Variants in BRIP1 observed in about 807,000 individuals in gnomAD.
The protein encoded by BRIP1 is BRCA1 interacting DNA helicase 1.
BRIP1 carries 88 observed loss-of-function variants against 119.7 expected under a neutral mutation model. The ratio of observed to expected loss-of-function variants is 0.74; its 90% confidence interval spans 0.62 to 0.88. The LOEUF is 0.88. Among genes scored for constraint, BRIP1 ranks in the 40% least tolerant of loss-of-function variants. The pLI, the probability that BRIP1 is intolerant of heterozygous loss-of-function variation, is 0.00. For synonymous variants in BRIP1, 443 were observed against 496.5 expected, an observed-to-expected ratio of 0.89 and a Z score of 1.43; for missense variants, 1,259 against 1,455.4, an observed-to-expected ratio of 0.87 and a Z score of 2.20.
Position 61,803,526 on chromosome 17 carries a change from A to G in BRIP1, c.919-2052T>C, listed in dbSNP as rs2078027165. ...AAGACCAGCTGGGCAGCACAGGGAG[A>G]CTCAATCTCTACAAAAAAACAAAAA... On this transcript the variant is annotated intron_variant, in intron 7 of 19. Coordinates refer to ENST00000259008, the MANE Select transcript of BRIP1 (RefSeq NM_032043.3). The surrounding 1 kb of genome is among the most constrained non-coding windows in gnomAD (Gnocchi z 4.3). Among the ~76,000 whole-genome samples the G allele has an allele frequency of 6.6e-6, 1 of 151,916 alleles. No individual in the cohort carries two copies. The highest frequency in any genetic ancestry group is 1.5e-5 in the Non-Finnish European group (1 of 67,972).
rs1322477585 is a variant in BRIP1 at position 61,814,144 on chromosome 17, G to A, written c.628-5387C>T. On this transcript the variant is annotated intron_variant, in intron 6 of 19. Coordinates refer to ENST00000259008, the MANE Select transcript of BRIP1 (RefSeq NM_032043.3). This position sits in a 1 kb window ranked among gnomAD's most constrained non-coding sequence, Gnocchi z 4.9. ...ACAGTAAACATTTCAAGCTTCAAAG[G>A]CTATATGGTCTCTTCTTCCATAGGA... 1.3e-5 allele frequency among the ~76,000 whole-genome samples: 2 copies of A among 152,032 alleles called. No homozygotes were observed. The highest frequency in any genetic ancestry group is 2.4e-5 in the African/African-American group (1 of 41,444).
At chr17:61,772,208 T>TATATATAA (rs1555599843) in intron 14 of BRIP1, among the ~76,000 whole-genome samples, 7 of 86,312 alleles carry the variant, frequency 8.1e-5, no homozygotes, top group African/African-American at 2.6e-4. Flanking sequence ...TATATATATA[T>TATATATAA]AAAATGAAAT....
At position 61,685,974 on chromosome 17, in the gene BRIP1, G is replaced by A. The variant is rs1057521544; in HGVS notation, c.2767C>T (p.Leu923=). The change falls in exon 19 of 20, where the codon CTG becomes TTG. Residue 923 remains leucine (L), a synonymous_variant. Transcript: ENST00000259008. ...GGTGATAGATGACTTGCTGCTTCCAGTAAATAAGGTGAGGTACTGTACTTT... is the reference window on the plus strand; with the variant it reads ...GGTGATAGATGACTTGCTGCTTCCAATAAATAAGGTGAGGTACTGTACTTT... ...SLKYSTSPYL[L]EAASHLSPEN... 6 of 1,614,012 alleles carry A rather than the reference G, an allele frequency of 3.7e-6. No individual in the cohort carries two copies. The highest frequency in any genetic ancestry group is 4.2e-6 in the Non-Finnish European group (5 of 1,179,908).
chr17:61,803,109 T>TC lies in BRIP1; in HGVS notation c.919-1636dup, dbSNP rs1567833459. 1.3e-5 allele frequency among the ~76,000 whole-genome samples: 2 copies of TC among 151,876 alleles called. No individual in the cohort carries two copies. The highest frequency in any genetic ancestry group is 4.8e-5 in the African/African-American group (2 of 41,320). ...TGCCATTCTATTACCTTTTTTTTTT[T>TC]CAGAGATGGGAGTCTCACTCTGTCA... is the stretch of plus-strand genomic sequence containing the variant. On this transcript the variant is annotated intron_variant, in intron 7 of 19. Coordinates refer to ENST00000259008, the MANE Select transcript of BRIP1 (RefSeq NM_032043.3). This position sits in a 1 kb window ranked among gnomAD's most constrained non-coding sequence, Gnocchi z 4.3.
rs775908642 is a variant in BRIP1, at chr17:61,861,059, T to C, written c.93+388A>G. On this transcript the variant is annotated intron_variant, in intron 2 of 19. Transcript: ENST00000259008. The surrounding 1 kb of genome is among the most constrained non-coding windows in gnomAD (Gnocchi z 4.5). ...TATGAAGTACATATGGCAAAATAGC[T>C]GTAACAAAACTGGAAAGCTGGTTTA... is the stretch of plus-strand genomic sequence containing the variant. Among the ~76,000 whole-genome samples the C allele has an allele frequency of 1.2e-4, 18 of 152,166 alleles. No homozygotes were observed. Among genetic ancestry groups the C allele is most frequent in the Non-Finnish European group, 2.6e-4 (18 of 68,020 alleles).
intron 6 of BRIP1, among the ~76,000 whole-genome samples, chr17:61,821,105 A>T (rs2078316328): frequency 6.6e-6 from 1 of 152,124 alleles, no homozygotes; most frequent in Admixed American, 6.6e-5. Flanking sequence ...ATGTAAATAA[A>T]CACGTGGCCT....
Position 61,757,866 on chromosome 17 carries a change from T to G in BRIP1, c.2098-13275A>C, listed in dbSNP as rs1262338025. Among the ~76,000 whole-genome samples, 1 of 151,856 alleles carries G rather than the reference T, an allele frequency of 6.6e-6. No homozygotes were observed. Among genetic ancestry groups the G allele is most frequent in the South Asian group, 2.1e-4 (1 of 4,812 alleles). On this transcript the variant is annotated intron_variant, in intron 14 of 19. Coordinates refer to ENST00000259008, the MANE Select transcript of BRIP1 (RefSeq NM_032043.3). This position sits in a 1 kb window ranked among gnomAD's most constrained non-coding sequence, Gnocchi z 4.3. ...AAAATAACTGGGCATGGTGGTATGT[T>G]CCTGTAGTCCCAGTTACCCAGGAGG...
rs1027118055 is a variant in BRIP1 at position 61,748,066 on chromosome 17, C to G, written c.2098-3475G>C. On this transcript the variant is annotated intron_variant, in intron 14 of 19. Transcript: ENST00000259008. The surrounding 1 kb of genome is among the most constrained non-coding windows in gnomAD (Gnocchi z 4.7). ...TATGAAACATTTAAAGCAGGGGTCCCCAACCCCCAGGCCACAGAATACTGG... is the reference window on the plus strand; with the variant it reads ...TATGAAACATTTAAAGCAGGGGTCCGCAACCCCCAGGCCACAGAATACTGG... Among the ~76,000 whole-genome samples, 9 of 151,982 alleles carry G rather than the reference C, an allele frequency of 5.9e-5. No individual in the cohort carries two copies. Among genetic ancestry groups the G allele is most frequent in the Non-Finnish European group, 1.5e-5 (1 of 67,994 alleles).
rs186277935 is a variant in BRIP1, at chr17:61,832,892, A to C, written c.627+14209T>G. Among the ~76,000 whole-genome samples the C allele has an allele frequency of 6.6e-5, 10 of 152,360 alleles. No homozygotes were observed. The highest frequency in any genetic ancestry group is 2.6e-4 in the Admixed American group (4 of 15,310). On this transcript the variant is annotated intron_variant, in intron 6 of 19. Coordinates refer to ENST00000259008, the MANE Select transcript of BRIP1 (RefSeq NM_032043.3). This position sits in a 1 kb window ranked among gnomAD's most constrained non-coding sequence, Gnocchi z 5.5. Reference sequence around the variant, plus strand: ...GAATGTCTTTGCTTATAAGACATAGACACTAAAGTATTTCAGGGTGAGGGA... The same window carrying C: ...GAATGTCTTTGCTTATAAGACATAGCCACTAAAGTATTTCAGGGTGAGGGA...
chr17:61,781,042 T>C (rs1436385390), intron 11 of BRIP1, 37 bp from the exon 12 acceptor site: 1 of 1,603,376 alleles, frequency 6.2e-7, no homozygotes, highest in Admixed American at 1.7e-5. Context: ...GTGGCAAAAC[T>C]TTTAAAACCT....
intron 6 of BRIP1, among the ~76,000 whole-genome samples, chr17:61,813,969 G>A (rs1019431328): frequency 6.6e-6 from 1 of 151,982 alleles, no homozygotes; most frequent in Non-Finnish European, 1.5e-5. Flanking sequence ...TCCTAAGTAT[G>A]ATCTTCATAA....
intron 16 of BRIP1, among the ~76,000 whole-genome samples, chr17:61,719,522 A>C (rs2061937162): frequency 6.6e-6 from 1 of 152,086 alleles, no homozygotes; most frequent in South Asian, 2.1e-4. Context: ...CAGGAGATCA[A>C]GACCATCCTG....
chr17:61,860,399 C>T lies in BRIP1; in HGVS notation c.94-492G>A, dbSNP rs1176346724. On this transcript the variant is annotated intron_variant, in intron 2 of 19. Transcript: ENST00000259008. This position sits in a 1 kb window ranked among gnomAD's most constrained non-coding sequence, Gnocchi z 4.1. ...AAGAAAGTTCACAGCAGCAGCCACG[C>T]TTGTAATCCCATCACTTTGGGAGGC... Among the ~76,000 whole-genome samples, 1 of 152,130 alleles carries T rather than the reference C, an allele frequency of 6.6e-6. No homozygotes were observed. Among genetic ancestry groups the T allele is most frequent in the African/African-American group, 2.4e-5 (1 of 41,422 alleles).
Position 61,769,752 on chromosome 17 carries a change from G to C in BRIP1, c.2097+6649C>G, listed in dbSNP as rs1229211788. Among the ~76,000 whole-genome samples the C allele has an allele frequency of 6.6e-6, 1 of 152,176 alleles. No homozygotes were observed. Among genetic ancestry groups the C allele is most frequent in the Non-Finnish European group, 1.5e-5 (1 of 68,042 alleles). On this transcript the variant is annotated intron_variant, in intron 14 of 19. Coordinates refer to ENST00000259008, the MANE Select transcript of BRIP1 (RefSeq NM_032043.3). The surrounding 1 kb of genome is among the most constrained non-coding windows in gnomAD (Gnocchi z 4.9). ...GCAAACTGCCACCCTGAAATCTGGA[G>C]AGACAGGTAAATACAGAGAATCAAG...
intron 6 of BRIP1, among the ~76,000 whole-genome samples, chr17:61,830,505 C>T (rs1018100000): frequency 2.0e-5 from 3 of 151,998 alleles, no homozygotes; most frequent in Non-Finnish European, 4.4e-5. Flanking sequence ...CATATCACTA[C>T]AAATCCTACA....
At position 61,742,606 on chromosome 17, in the gene BRIP1, C is replaced by T. The variant is rs1160417822; in HGVS notation, c.2379+407G>A. ...TTGTGTCTCAGGGAATGGAGAGTCC[C>T]AAGGAGAGAGAAATGGGGGAAGGGT... On this transcript the variant is annotated intron_variant, in intron 16 of 19. Transcript: ENST00000259008. This position sits in a 1 kb window ranked among gnomAD's most constrained non-coding sequence, Gnocchi z 4.7. 6.6e-6 allele frequency among the ~76,000 whole-genome samples: 1 copy of T among 152,012 alleles called. No homozygotes were observed. The highest frequency in any genetic ancestry group is 6.6e-5 in the Admixed American group (1 of 15,260).
At chr17:61,787,443 T>A (rs12943125) in intron 10 of BRIP1, among the ~76,000 whole-genome samples, 2 of 124,802 alleles carry the variant, frequency 1.6e-5, no homozygotes, top group South Asian at 2.5e-4. Flanking sequence ...ATATACTATA[T>A]ATTATATATA....
chr17:61,859,040 G>A, intron 3 of BRIP1, among the ~76,000 whole-genome samples: 1 of 135,242 alleles, frequency 7.4e-6, no homozygotes, highest in Non-Finnish European at 1.5e-5. Context: ...CATCCCAGGT[G>A]ACGCCACTCA....
rs141792741 is a variant in BRIP1, at chr17:61,743,479, C to T, written c.2258-345G>A. 6.6e-6 allele frequency among the ~76,000 whole-genome samples: 1 copy of T among 151,902 alleles called. No homozygotes were observed. Among genetic ancestry groups the T allele is most frequent in the Non-Finnish European group, 1.5e-5 (1 of 67,988 alleles). Reference sequence around the variant, plus strand: ...TGAAGTTGCATTATTACCTTTACCACCTGAAAGTAAAATTCTCAGAATAAT... The same window carrying T: ...TGAAGTTGCATTATTACCTTTACCATCTGAAAGTAAAATTCTCAGAATAAT... On this transcript the variant is annotated intron_variant, in intron 15 of 19. Transcript: ENST00000259008. The surrounding 1 kb of genome is among the most constrained non-coding windows in gnomAD (Gnocchi z 4.3).
Sources: allele counts gnomAD v4.1 joint callset (sites outside exome capture counted in the v4.1 genomes callset), GRCh38; gene constraint gnomAD v4.1.1; non-coding constraint Gnocchi (gnomAD v3.1); transcripts MANE v1.5; gene names NCBI Gene and HGNC (gene_info 2026-07-23, HGNC 2026-07-21).